Variants in COG6 observed in about 807,000 individuals in gnomAD.
COG6 encodes component of oligomeric golgi complex 6.
Under a neutral mutation model 88.8 loss-of-function variants are expected in COG6, and 74 were observed. The observed-to-expected ratio is 0.83, with a 90% CI of 0.69 to 1.01. The LOEUF is 1.01. COG6 is among the 50% of genes least tolerant of loss of function. The probability of loss-of-function intolerance (pLI) is 0.00; values close to 1 mark genes in which losing one functional copy is unlikely to be tolerated. For synonymous variants in COG6, 286 were observed against 278.7 expected (o/e 1.03, Z -0.26); for missense variants, 800 against 797.9 (o/e 1.00, Z -0.03).
At position 39,765,022 on chromosome 13, in the gene COG6, G is replaced by A. The variant is rs538835589; in HGVS notation, c.1827-23313G>A. Among the ~76,000 whole-genome samples, 20 of 152,034 alleles carry A rather than the reference G, an allele frequency of 1.3e-4. No homozygotes were observed. The East Asian group carries it at 2.3e-3, about 18-fold the overall frequency. On this transcript the variant is annotated intron_variant, in intron 18 of 18. Transcript: ENST00000416691. ...CAGTTTTTGCTTTATATGTTTTTAC[G>A]CTATTTCTAGATATATAAATTCTAT...
chr13:39,697,884 A>C (rs373702041), intron 12 of COG6, among the ~76,000 whole-genome samples: 1 of 152,002 alleles, frequency 6.6e-6, no homozygotes, highest in Non-Finnish European at 1.5e-5. Context: ...CTCTGTGCCC[A>C]TGGCTATATT....
At chr13:39,713,538 A>G (rs1198580472) in intron 13 of COG6, among the ~76,000 whole-genome samples, 1 of 152,158 alleles carries the variant, frequency 6.6e-6, no homozygotes, top group Non-Finnish European at 1.5e-5. Flanking sequence ...GATCAAAACC[A>G]TCCTGGCTAA....
intron 13 of COG6, among the ~76,000 whole-genome samples, chr13:39,706,890 G>T (rs1009838044): frequency 2.6e-5 from 4 of 151,894 alleles, no homozygotes; most frequent in Non-Finnish European, 2.9e-5. Flanking sequence ...CACCATGTTG[G>T]CCAGACTGGC....
At chr13:39,698,444 G>A (rs1489409515) in intron 12 of COG6, among the ~76,000 whole-genome samples, 5 of 151,790 alleles carry the variant, frequency 3.3e-5, no homozygotes, top group Admixed American at 3.3e-4. Flanking sequence ...TAATTTGCTA[G>A]TATTTTGCTG....
At chr13:39,740,506 G>A (rs1879987935) in intron 18 of COG6, among the ~76,000 whole-genome samples, 1 of 152,174 alleles carries the variant, frequency 6.6e-6, no homozygotes, top group Admixed American at 6.6e-5. Context: ...TTTGTAAGAA[G>A]TAGAGCCATG....
intron 18 of COG6, among the ~76,000 whole-genome samples, chr13:39,741,922 A>G (rs540427369): frequency 6.6e-6 from 1 of 152,244 alleles, no homozygotes; most frequent in Non-Finnish European, 1.5e-5. Flanking sequence ...GAAACTCTAC[A>G]AGCCAGAAGA....
At chr13:39,662,516 C>T (rs1252742290) in intron 3 of COG6, among the ~76,000 whole-genome samples, 1 of 152,132 alleles carries the variant, frequency 6.6e-6, no homozygotes, top group Non-Finnish European at 1.5e-5. Flanking sequence ...TTCAGATCAA[C>T]TTTATTGAGG....
chr13:39,665,969 T>C (rs1307633263), intron 4 of COG6, among the ~76,000 whole-genome samples: 2 of 152,216 alleles, frequency 1.3e-5, no homozygotes, highest in Non-Finnish European at 2.9e-5. Context: ...GGAACACAGC[T>C]ATGGTTGTGT....
intron 18 of COG6, among the ~76,000 whole-genome samples, chr13:39,738,780 A>G (rs1236589173): frequency 2.6e-5 from 4 of 152,174 alleles, no homozygotes; most frequent in Non-Finnish European, 5.9e-5. Flanking sequence ...ACAGACAGAT[A>G]ATAATACCAG....
chr13:39,742,085 T>C (rs541804528), intron 18 of COG6, among the ~76,000 whole-genome samples: 3 of 152,014 alleles, frequency 2.0e-5, no homozygotes, highest in Non-Finnish European at 4.4e-5. Context: ...GCCTGCCTTA[T>C]AAGAGCTCCT....
At chr13:39,683,698 G>C (rs1317112272) in intron 8 of COG6, among the ~76,000 whole-genome samples, 1 of 151,470 alleles carries the variant, frequency 6.6e-6, no homozygotes, top group Non-Finnish European at 1.5e-5. Context: ...AACAGCTGTT[G>C]CATTGTCTAC....
intron 3 of COG6, among the ~76,000 whole-genome samples, chr13:39,664,314 C>T (rs1006374699): frequency 6.6e-6 from 1 of 152,162 alleles, no homozygotes. Context: ...ATCTTTCTGG[C>T]TCATTTAATA....
At chr13:39,749,843 A>G (rs983221977) in intron 18 of COG6, among the ~76,000 whole-genome samples, 3 of 152,186 alleles carry the variant, frequency 2.0e-5, no homozygotes, top group African/African-American at 7.2e-5. Flanking sequence ...CTTCTCTGAA[A>G]CCAAAAGAGG....
intron 2 of COG6, among the ~76,000 whole-genome samples, chr13:39,659,738 A>G (rs1874776425): frequency 6.6e-6 from 1 of 152,226 alleles, no homozygotes; most frequent in East Asian, 1.9e-4. Context: ...ATTGTTCTAG[A>G]AGATTATCTT....
At chr13:39,672,510 G>A (rs1339108676) in intron 4 of COG6, among the ~76,000 whole-genome samples, 1 of 151,904 alleles carries the variant, frequency 6.6e-6, no homozygotes, top group African/African-American at 2.4e-5. Flanking sequence ...AGATCATACA[G>A]TATGTGGCCC....
intron 8 of COG6, among the ~76,000 whole-genome samples, chr13:39,682,757 T>G (rs574612638): frequency 1.3e-5 from 2 of 152,240 alleles, no homozygotes; most frequent in East Asian, 3.9e-4. Flanking sequence ...GGTAATGTTT[T>G]GGATAAGAAT....
At chr13:39,762,826 G>C (rs1265305156) in intron 18 of COG6, among the ~76,000 whole-genome samples, 1 of 148,656 alleles carries the variant, frequency 6.7e-6, no homozygotes, top group East Asian at 2.0e-4. Flanking sequence ...TTTTATGCTG[G>C]CTAGAACCTC....
chr13:39,674,018 G>A (rs1034012219), intron 4 of COG6, among the ~76,000 whole-genome samples: 22 of 151,692 alleles, frequency 1.5e-4, no homozygotes, highest in African/African-American at 5.3e-4. Flanking sequence ...TGCCAATGTA[G>A]ATGAAAAATA....
At chr13:39,780,179 T>C (rs1881588902) in intron 18 of COG6, among the ~76,000 whole-genome samples, 1 of 152,210 alleles carries the variant, frequency 6.6e-6, no homozygotes, top group Non-Finnish European at 1.5e-5. Context: ...TTTTGCCTAC[T>C]TTTCTCAAGT....
Sources: gnomAD v4.1 joint callset for allele counts (sites outside exome capture counted in the v4.1 genomes callset) on GRCh38, gnomAD v4.1.1 for gene constraint, MANE v1.5 for transcripts, NCBI Gene and HGNC (gene_info 2026-07-23, HGNC 2026-07-21) for gene names.